The following RABGAP1L variants were observed in gnomAD, a reference collection of about 807,000 sequenced individuals.
RABGAP1L encodes the protein rab GTPase-activating protein 1-like.
A neutral mutation model predicts 137.7 loss-of-function variants in RABGAP1L; 63 were observed. The ratio of observed to expected loss-of-function variants is 0.46; its 90% CI spans 0.37 to 0.56. RABGAP1L has a LOEUF of 0.56. RABGAP1L is among the 20% of genes least tolerant of loss of function. RABGAP1L has a pLI of 0.00. For synonymous variants in RABGAP1L, 431 were observed against 433.7 expected (o/e 0.99, Z 0.08); for missense variants, 1,095 against 1,244.0 (o/e 0.88, Z 1.80).
intron 12 of RABGAP1L, among the ~76,000 whole-genome samples, chr1:174,388,271 A>G (rs1686964323): frequency 6.6e-6 from 1 of 152,084 alleles, no homozygotes; most frequent in Admixed American, 6.5e-5. Flanking sequence ...CAAAACATGA[A>G]TAAAGTCAGA....
chr1:174,211,730 T>C (rs1290445258), intron 1 of RABGAP1L, among the ~76,000 whole-genome samples: 1 of 152,020 alleles, frequency 6.6e-6, no homozygotes, highest in Admixed American at 6.5e-5. Flanking sequence ...GTTGCCTACA[T>C]GAAACATACT....
chr1:174,288,245 C>G (rs982435294), intron 10 of RABGAP1L, among the ~76,000 whole-genome samples: 16 of 152,074 alleles, frequency 1.1e-4, no homozygotes, highest in Admixed American at 3.9e-4. Context: ...GATATACATA[C>G]CACCACAAGA....
At chr1:174,369,430 C>T (rs141923896) in intron 11 of RABGAP1L, among the ~76,000 whole-genome samples, 3 of 152,160 alleles carry the variant, frequency 2.0e-5, no homozygotes, top group African/African-American at 7.2e-5. Context: ...AGCTCAGGCC[C>T]TCCTTGGCCT....
intron 20 of RABGAP1L, chr1:174,958,208 A>G: frequency 7.5e-7 from 1 of 1,330,460 alleles, no homozygotes; most frequent in Non-Finnish European, 9.9e-7. Flanking sequence ...TTGTTGCAAC[A>G]TTTATTTCCA....
chr1:174,816,843 T>C (rs936941822), intron 19 of RABGAP1L, among the ~76,000 whole-genome samples: 5 of 149,654 alleles, frequency 3.3e-5, no homozygotes, highest in African/African-American at 4.9e-5. Context: ...GCAGTTCCCC[T>C]GCCCAGCCTT....
chr1:174,841,860 C>CT (rs757469241), intron 19 of RABGAP1L, among the ~76,000 whole-genome samples: 10,909 of 144,622 alleles, frequency 0.075, 507 homozygotes, highest in Non-Finnish European at 0.1. Context: ...GAATAACTTT[C>CT]TTTTTTTTTT....
chr1:174,733,772 C>T (rs459078), intron 17 of RABGAP1L, among the ~76,000 whole-genome samples: 59,911 of 151,948 alleles, frequency 0.39, 14,951 homozygotes, highest in African/African-American at 0.71. Context: ...TTGATGTCTC[C>T]CTTAAAGGGA....
In RABGAP1L at chr1:174,435,659, T is replaced by TTTA. The variant is rs58049527; in HGVS notation, c.1710+41525_1710+41527dup. On this transcript the variant is annotated intron_variant, in intron 13 of 25. Transcript: ENST00000681986. The stretch of plus-strand genomic sequence containing the variant: ...TTTATGCAAGATCTTAACTCTTTTT[T>TTTA]TTATTATTATTATACTTTAAGTTTT... Among the ~76,000 whole-genome samples the TTTA allele has an allele frequency of 1.3e-3, 196 of 152,244 alleles. 1 individual carries two copies. Among genetic ancestry groups the TTTA allele is most frequent in the African/African-American group, 4.4e-3 (182 of 41,544 alleles).
chr1:174,626,594 A>C lies in RABGAP1L; in HGVS notation c.1711-10781A>C, dbSNP rs557611175. ...CATTTGTGTGCAGTGACTGGGAAGC[A>C]GTTTGTTCACAATATGATTTTATTG... On this transcript the variant is annotated intron_variant, in intron 13 of 25. Transcript: ENST00000681986. Among the ~76,000 whole-genome samples the C allele has an allele frequency of 1.7e-3, 255 of 152,194 alleles. 2 individuals are homozygous for C. Among genetic ancestry groups the C allele is most frequent in the African/African-American group, 5.3e-3 (222 of 41,532 alleles).
chr1:174,561,961 C>T (rs1057460249), intron 13 of RABGAP1L, among the ~76,000 whole-genome samples: 5 of 152,052 alleles, frequency 3.3e-5, no homozygotes, highest in African/African-American at 1.2e-4. Context: ...ACTTCATGTC[C>T]AAAACACTGA....
intron 12 of RABGAP1L, among the ~76,000 whole-genome samples, chr1:174,387,923 G>A (rs1686931575): frequency 6.6e-6 from 1 of 151,940 alleles, no homozygotes; most frequent in Non-Finnish European, 1.5e-5. Context: ...ATTATGTCAT[G>A]ATATGAAAAG....
intron 1 of RABGAP1L, among the ~76,000 whole-genome samples, chr1:174,206,650 G>A (rs1668522207): frequency 6.6e-6 from 1 of 152,084 alleles, no homozygotes. Context: ...GCACAAACAC[G>A]TGATCTAAAA....
intron 13 of RABGAP1L, among the ~76,000 whole-genome samples, chr1:174,601,048 CTT>C (rs1670369953): frequency 6.6e-6 from 1 of 152,222 alleles, no homozygotes; most frequent in South Asian, 2.1e-4. Context: ...CAATTCTTGA[CTT>C]TGGTGCACCC....
chr1:174,517,904 A>G (rs1202405161), intron 13 of RABGAP1L, among the ~76,000 whole-genome samples: 1 of 152,152 alleles, frequency 6.6e-6, no homozygotes, highest in Non-Finnish European at 1.5e-5. Flanking sequence ...CATATTACTA[A>G]GTTTCTTTTT....
chr1:174,211,266 A>G (rs958589540), intron 1 of RABGAP1L, among the ~76,000 whole-genome samples: 1 of 152,176 alleles, frequency 6.6e-6, no homozygotes, highest in Non-Finnish European at 1.5e-5. Context: ...CCAATAAAAA[A>G]TAATAACTGC....
intron 13 of RABGAP1L, among the ~76,000 whole-genome samples, chr1:174,567,345 C>T (rs75134210): frequency 0.078 from 11,883 of 152,116 alleles, 647 homozygotes; most frequent in East Asian, 0.32. Context: ...TGGCATATGT[C>T]AAAATTTAAT....
chr1:174,457,249 G>A (rs1486954398), intron 13 of RABGAP1L, among the ~76,000 whole-genome samples: 2 of 152,136 alleles, frequency 1.3e-5, no homozygotes, highest in Non-Finnish European at 2.9e-5. Context: ...GAGAGAAAAT[G>A]TTCAATGTTC....
chr1:174,344,433 G>A (rs2148900691), intron 11 of RABGAP1L, among the ~76,000 whole-genome samples: 1 of 152,282 alleles, frequency 6.6e-6, no homozygotes, highest in South Asian at 2.1e-4. Flanking sequence ...GGGACCTTGT[G>A]TCTAGGAGTG....
chr1:174,218,291 T>C (rs892817836), intron 1 of RABGAP1L, among the ~76,000 whole-genome samples: 2 of 152,176 alleles, frequency 1.3e-5, no homozygotes, highest in Admixed American at 1.3e-4. Context: ...TTTATTTGTT[T>C]TCTTACTAGT....
Sources: allele counts gnomAD v4.1 joint callset (sites outside exome capture counted in the v4.1 genomes callset), GRCh38; gene constraint gnomAD v4.1.1; transcripts MANE v1.5; gene names NCBI Gene and HGNC (gene_info 2026-07-23, HGNC 2026-07-21).